The following SLC44A5 variants were observed in gnomAD, a reference collection of about 807,000 sequenced individuals.
The protein encoded by SLC44A5 is solute carrier family 44 member 5.
Under a neutral mutation model 101.8 loss-of-function variants are expected in SLC44A5, and 57 were observed. That is an observed-to-expected ratio of 0.56 (90% CI 0.45 to 0.70). The LOEUF (loss-of-function observed/expected upper bound fraction) is 0.70. SLC44A5 is among the 30% of genes least tolerant of loss of function. SLC44A5 has a pLI of 0.00. For missense variants in SLC44A5, 737 were observed against 853.1 expected, an observed-to-expected ratio of 0.86 and a Z score of 1.70; for synonymous variants, 281 against 290.9, an observed-to-expected ratio of 0.97 and a Z score of 0.35.
intron 1 of SLC44A5, among the ~76,000 whole-genome samples, chr1:75,589,577 T>C (rs980104739): frequency 2.0e-5 from 3 of 152,068 alleles, no homozygotes; most frequent in African/African-American, 7.2e-5. Flanking sequence ...ACAGGGAAAA[T>C]ACCCTTATAA....
chr1:75,258,448 G>C (rs547160585), intron 6 of SLC44A5, among the ~76,000 whole-genome samples: 33 of 151,920 alleles, frequency 2.2e-4, no homozygotes, highest in African/African-American at 7.7e-4. Context: ...AGCTCAGCAA[G>C]GCCACTGCTG....
At chr1:75,285,365 C>T in intron 5 of SLC44A5, among the ~76,000 whole-genome samples, 1 of 151,656 alleles carries the variant, frequency 6.6e-6, no homozygotes, top group Non-Finnish European at 1.5e-5. Flanking sequence ...CTAATTGGAT[C>T]TTCTCTCTTC....
intron 4 of SLC44A5, among the ~76,000 whole-genome samples, chr1:75,315,626 T>C (rs757942148): frequency 3.1e-4 from 47 of 152,206 alleles, no homozygotes; most frequent in Non-Finnish European, 7.4e-5. Flanking sequence ...GGCTTTCTCA[T>C]GATCTTCTAA....
At chr1:75,212,128 A>G (rs942005155) in intron 22 of SLC44A5, among the ~76,000 whole-genome samples, 1 of 152,080 alleles carries the variant, frequency 6.6e-6, no homozygotes, top group African/African-American at 2.4e-5. Flanking sequence ...TGTCTCTTCA[A>G]TCAGTTGATG....
intron 1 of SLC44A5, among the ~76,000 whole-genome samples, chr1:75,599,562 T>C (rs916362878): frequency 6.6e-6 from 1 of 152,018 alleles, no homozygotes; most frequent in African/African-American, 2.4e-5. Context: ...CTAACAGAGG[T>C]ATATGAAAGA....
Position 75,455,494 on chromosome 1 carries a change from C to CA in SLC44A5, c.14-58874dup, listed in dbSNP as rs1448074489. On this transcript the variant is annotated intron_variant, in intron 2 of 23. Coordinates refer to ENST00000370859, the MANE Select transcript of SLC44A5 (RefSeq NM_001130058.2). ...ACTAAATCCTCAATAGCAATTGCAA[C>CA]AAAAGCAAAAATTAACAAGTGAGAA... Among the ~76,000 whole-genome samples the CA allele has an allele frequency of 5.3e-5, 8 of 152,150 alleles. No homozygotes were observed. The East Asian group carries it at 1.2e-3, about 22-fold the overall frequency.
At chr1:75,702,029 C>T in the SLC44A5 span, among the ~76,000 whole-genome samples, 7 of 152,094 alleles carry the variant, frequency 4.6e-5, no homozygotes, top group Admixed American at 3.9e-4. Flanking sequence ...AATGGAAGAA[C>T]ATTCCATGCT....
At chr1:75,298,547 G>A (rs999331590) in intron 5 of SLC44A5, among the ~76,000 whole-genome samples, 1 of 152,100 alleles carries the variant, frequency 6.6e-6, no homozygotes, top group Non-Finnish European at 1.5e-5. Flanking sequence ...CTACGGAAGA[G>A]TGGCAGTGGG....
intron 2 of SLC44A5, among the ~76,000 whole-genome samples, chr1:75,541,095 G>A (rs1671331072): frequency 6.6e-6 from 1 of 152,190 alleles, no homozygotes; most frequent in African/African-American, 2.4e-5. Flanking sequence ...CTGAGGGAGA[G>A]GGGGCAACGC....
intron 12 of SLC44A5, among the ~76,000 whole-genome samples, chr1:75,229,222 G>A (rs184476629): frequency 1.6e-4 from 25 of 151,946 alleles, no homozygotes; most frequent in African/African-American, 4.6e-4. Flanking sequence ...TACTGGTCTC[G>A]TTGCTTCCAC....
At chr1:75,214,120 G>T (rs1646915137) in intron 20 of SLC44A5, 131 bp from the exon 21 acceptor site, 1 of 648,962 alleles carries the variant, frequency 1.5e-6, no homozygotes, top group African/African-American at 1.8e-5. Flanking sequence ...CAATTGTTTT[G>T]CAAGAAATGA....
intron 3 of SLC44A5, among the ~76,000 whole-genome samples, chr1:75,395,510 G>A (rs563463677): frequency 2.0e-5 from 3 of 152,210 alleles, no homozygotes; most frequent in South Asian, 2.1e-4. Flanking sequence ...CTATATGAAG[G>A]AATTTTGAAA....
At chr1:75,393,059 T>C (rs1002644351) in intron 3 of SLC44A5, among the ~76,000 whole-genome samples, 1 of 152,178 alleles carries the variant, frequency 6.6e-6, no homozygotes, top group Admixed American at 6.6e-5. Flanking sequence ...CTCTGCTCAC[T>C]ATTTGGGTGA....
chr1:75,616,267 C>G, the SLC44A5 span, among the ~76,000 whole-genome samples: 21 of 152,164 alleles, frequency 1.4e-4, no homozygotes, highest in East Asian at 4.1e-3. Flanking sequence ...CCCCGGTGTC[C>G]CGTCTGAGCC....
At chr1:75,358,088 G>A (rs1011195532) in intron 3 of SLC44A5, among the ~76,000 whole-genome samples, 2 of 151,744 alleles carry the variant, frequency 1.3e-5, no homozygotes, top group Admixed American at 1.3e-4. Context: ...TACTACATTA[G>A]CTACTTTATT....
intron 7 of SLC44A5, among the ~76,000 whole-genome samples, chr1:75,244,793 C>CT (rs1253381640): frequency 1.3e-5 from 2 of 151,792 alleles, no homozygotes; most frequent in Non-Finnish European, 2.9e-5. Flanking sequence ...ATTGGTTTTG[C>CT]TTTTTTTTAC....
intron 12 of SLC44A5, among the ~76,000 whole-genome samples, chr1:75,233,409 T>TCATTATTTAGCTCCCACA (rs6143281): frequency 2.6e-5 from 4 of 151,204 alleles, no homozygotes; most frequent in East Asian, 1.9e-4. Flanking sequence ...CCACGTGTAC[T>TCATTATTTAGCTCCCACA]CATTATTTAG....
At chr1:75,660,179 G>A in the SLC44A5 span, among the ~76,000 whole-genome samples, 1 of 152,088 alleles carries the variant, frequency 6.6e-6, no homozygotes, top group African/African-American at 2.4e-5. Flanking sequence ...ACTCTATCTA[G>A]CCTGGGCAAC....
intron 2 of SLC44A5, among the ~76,000 whole-genome samples, chr1:75,506,904 ATTC>A (rs1669288690): frequency 9.7e-6 from 1 of 103,444 alleles, no homozygotes; most frequent in African/African-American, 3.7e-5. Flanking sequence ...TCCTATTCCT[ATTC>A]TTTTTTTTTT....
Sources: allele counts gnomAD v4.1 joint callset (sites outside exome capture counted in the v4.1 genomes callset), GRCh38; gene constraint gnomAD v4.1.1; transcripts MANE v1.5; gene names NCBI Gene and HGNC (gene_info 2026-07-23, HGNC 2026-07-21).